Variants in PLPPR1 observed in about 807,000 individuals in gnomAD.
PLPPR1 encodes the protein phospholipid phosphatase related 1.
In PLPPR1, 10 loss-of-function variants were observed where a neutral mutation model predicts 33.1. The observed-to-expected ratio is 0.30, with a 90% CI of 0.19 to 0.51. PLPPR1 has a LOEUF of 0.51. Among genes scored for constraint, PLPPR1 ranks in the 20% least tolerant of loss-of-function variants. PLPPR1 has a pLI of 0.97. For missense variants in PLPPR1, 304 were observed against 408.1 expected, an observed-to-expected ratio of 0.74 and a Z score of 2.20; for synonymous variants, 151 against 151.0, an observed-to-expected ratio of 1.00 and a Z score of 0.00.
At chr9:101,234,443 T>G (rs1827253546) in intron 2 of PLPPR1, among the ~76,000 whole-genome samples, 1 of 151,900 alleles carries the variant, frequency 6.6e-6, no homozygotes, top group Non-Finnish European at 1.5e-5. Flanking sequence ...ATTTACAAAT[T>G]TATAATTTAT....
At chr9:101,260,161 G>C (rs1827871925) in intron 2 of PLPPR1, among the ~76,000 whole-genome samples, 1 of 152,074 alleles carries the variant, frequency 6.6e-6, no homozygotes, top group African/African-American at 2.4e-5. Context: ...TCCTATTCAT[G>C]AGACTGGGAC....
At chr9:101,321,809 A>G (rs1390423891) in intron 7 of PLPPR1, among the ~76,000 whole-genome samples, 3 of 148,168 alleles carry the variant, frequency 2.0e-5, no homozygotes, top group Admixed American at 1.4e-4. Flanking sequence ...ATATATAAGT[A>G]TATATATATG....
chr9:101,053,504 ATG>A (rs1303350695), intron 1 of PLPPR1, among the ~76,000 whole-genome samples: 1 of 152,188 alleles, frequency 6.6e-6, no homozygotes, highest in Non-Finnish European at 1.5e-5. Context: ...CTTGAATTTT[ATG>A]TCCTCTGTGG....
At chr9:101,092,441 AT>A (rs945867397) in intron 1 of PLPPR1, among the ~76,000 whole-genome samples, 1 of 152,112 alleles carries the variant, frequency 6.6e-6, no homozygotes, top group Non-Finnish European at 1.5e-5. Flanking sequence ...TGACATAGTA[AT>A]TTCTCAACAT....
chr9:101,039,742 G>T (rs984567486), intron 1 of PLPPR1, among the ~76,000 whole-genome samples: 6 of 151,908 alleles, frequency 3.9e-5, no homozygotes, highest in Non-Finnish European at 5.9e-5. Flanking sequence ...GGAAACTCCT[G>T]TTTTTTTAAA....
chr9:101,037,770 A>G (rs571167349), intron 1 of PLPPR1, among the ~76,000 whole-genome samples: 1 of 152,200 alleles, frequency 6.6e-6, no homozygotes, highest in South Asian at 2.1e-4. Flanking sequence ...ATTAACTGGA[A>G]AAAACATTAT....
chr9:101,034,482 G>C (rs1048384092), intron 1 of PLPPR1, among the ~76,000 whole-genome samples: 1 of 152,128 alleles, frequency 6.6e-6, no homozygotes, highest in Non-Finnish European at 1.5e-5. Context: ...AAGAGCACAG[G>C]CTCTAGAGTT....
intron 2 of PLPPR1, among the ~76,000 whole-genome samples, chr9:101,261,230 A>G (rs1230741765): frequency 1.3e-5 from 2 of 152,190 alleles, no homozygotes; most frequent in African/African-American, 4.8e-5. Flanking sequence ...TACATGGGCA[A>G]TCAGTAAGAG....
intron 1 of PLPPR1, among the ~76,000 whole-genome samples, chr9:101,086,044 G>A (rs1830671238): frequency 2.0e-5 from 3 of 152,180 alleles, no homozygotes; most frequent in Admixed American, 2.0e-4. Flanking sequence ...AGTTTATTGA[G>A]TGTTTTTATC....
intron 2 of PLPPR1, chr9:101,188,162 G>A (rs190623308): frequency 2.6e-5 from 4 of 152,000 alleles, no homozygotes; most frequent in Admixed American, 2.0e-4. Flanking sequence ...TTGTTTATGC[G>A]TTTGTTTGCT....
chr9:101,270,876 A>G (rs1405458433), intron 3 of PLPPR1, among the ~76,000 whole-genome samples: 1 of 151,974 alleles, frequency 6.6e-6, no homozygotes, highest in Non-Finnish European at 1.5e-5. Flanking sequence ...TTCTCTTCTA[A>G]CAGCTGACTC....
chr9:101,234,174 C>CT (rs1297643256), intron 2 of PLPPR1, among the ~76,000 whole-genome samples: 1 of 151,840 alleles, frequency 6.6e-6, no homozygotes, highest in Non-Finnish European at 1.5e-5. Flanking sequence ...AGTTCTTATC[C>CT]TTTTCCACGT....
chr9:101,270,090 C>A, intron 3 of PLPPR1, 22 bp downstream of exon 3: 1 of 1,611,090 alleles, frequency 6.2e-7, no homozygotes, highest in Non-Finnish European at 8.5e-7. Context: ...AATAGACTTT[C>A]CTCTTTATTG....
intron 1 of PLPPR1, among the ~76,000 whole-genome samples, chr9:101,131,940 A>G (rs368602355): frequency 6.6e-6 from 1 of 152,178 alleles, no homozygotes; most frequent in South Asian, 2.1e-4. Flanking sequence ...GCCTCATAGC[A>G]TTGTTCCCAG....
At chr9:101,250,663 A>G (rs1827698943) in intron 2 of PLPPR1, among the ~76,000 whole-genome samples, 1 of 151,992 alleles carries the variant, frequency 6.6e-6, no homozygotes, top group Non-Finnish European at 1.5e-5. Flanking sequence ...AATCAATACC[A>G]CTAACCCTGC....
At chr9:101,108,681 A>G (rs1218453503) in intron 1 of PLPPR1, among the ~76,000 whole-genome samples, 2 of 152,176 alleles carry the variant, frequency 1.3e-5, no homozygotes, top group Non-Finnish European at 2.9e-5. Context: ...TTTTATCCTT[A>G]TTCTTCCTTT....
At chr9:101,316,330 G>A (rs1462593634) in intron 6 of PLPPR1, among the ~76,000 whole-genome samples, 4 of 151,926 alleles carry the variant, frequency 2.6e-5, no homozygotes, top group Non-Finnish European at 5.9e-5. Context: ...CCAGCTACTC[G>A]GGAGGCTGAG....
chr9:101,286,004 G>A, intron 3 of PLPPR1, 100 bp from the exon 4 acceptor site: 2 of 859,738 alleles, frequency 2.3e-6, no homozygotes, highest in Non-Finnish European at 3.7e-6. Flanking sequence ...CTTTTAAAAT[G>A]ATTGTGGGTC....
At chr9:101,107,890 C>G (rs949118245) in intron 1 of PLPPR1, among the ~76,000 whole-genome samples, 2 of 151,366 alleles carry the variant, frequency 1.3e-5, no homozygotes, top group African/African-American at 4.9e-5. Flanking sequence ...GCACAATATT[C>G]GGGTGGGAGT....
Sources: allele counts gnomAD v4.1 joint callset (sites outside exome capture counted in the v4.1 genomes callset), GRCh38; gene constraint gnomAD v4.1.1; transcripts MANE v1.5; gene names NCBI Gene and HGNC (gene_info 2026-07-23, HGNC 2026-07-21).